The following FSTL5 variants were observed in gnomAD, a reference collection of about 807,000 sequenced individuals.
FSTL5 encodes follistatin like 5.
In FSTL5, 62 loss-of-function variants were observed where a neutral mutation model predicts 89.1. That is an observed-to-expected ratio of 0.70 (90% confidence interval 0.57 to 0.86). The LOEUF (loss-of-function observed/expected upper bound fraction) is 0.86. FSTL5 is among the 40% of genes least tolerant of loss of function. The probability of loss-of-function intolerance (pLI) is 0.00; values close to 1 mark genes in which losing one functional copy is unlikely to be tolerated. For missense variants in FSTL5, 1,057 were observed against 1,001.6 expected, an observed-to-expected ratio of 1.06 and a Z score of -0.75; for synonymous variants, 383 against 346.2, an observed-to-expected ratio of 1.11 and a Z score of -1.18.
chr4:161,683,740 TA>T (rs1737606028), intron 6 of FSTL5, among the ~76,000 whole-genome samples: 1 of 152,180 alleles, frequency 6.6e-6, no homozygotes, highest in Admixed American at 6.6e-5. Flanking sequence ...AGTAACTTTT[TA>T]AAATTAATTA....
At chr4:161,893,275 TG>T (rs962214956) in intron 4 of FSTL5, among the ~76,000 whole-genome samples, 3 of 152,126 alleles carry the variant, frequency 2.0e-5, no homozygotes, top group African/African-American at 7.2e-5. Context: ...GAAGCTCAAA[TG>T]GCTAAATAAC....
chr4:162,049,793 T>A (rs563034328), intron 2 of FSTL5, among the ~76,000 whole-genome samples: 1 of 151,918 alleles, frequency 6.6e-6, no homozygotes, highest in East Asian at 1.9e-4. Flanking sequence ...TCTGAAAAAA[T>A]TATAATTTTA....
intron 2 of FSTL5, among the ~76,000 whole-genome samples, chr4:162,057,698 C>T (rs988442224): frequency 2.0e-5 from 3 of 151,982 alleles, no homozygotes; most frequent in Non-Finnish European, 2.9e-5. Flanking sequence ...AATCCCAGAA[C>T]TTTGGGAGGC....
At chr4:161,606,716 T>G (rs62328843) in intron 7 of FSTL5, among the ~76,000 whole-genome samples, 27,005 of 152,004 alleles carry the variant, frequency 0.18, 2,797 homozygotes, top group Non-Finnish European at 0.21. Flanking sequence ...AAAATTGAAT[T>G]AAGAACCAAA....
At chr4:161,517,042 C>A (rs532679359) in intron 10 of FSTL5, among the ~76,000 whole-genome samples, 61 of 152,162 alleles carry the variant, frequency 4.0e-4, no homozygotes, top group Admixed American at 1.4e-3. Context: ...AAGTGTGCCA[C>A]CATACCTGGC....
At chr4:161,815,704 T>C (rs745316565) in intron 4 of FSTL5, among the ~76,000 whole-genome samples, 27 of 152,158 alleles carry the variant, frequency 1.8e-4, no homozygotes, top group Non-Finnish European at 3.4e-4. Flanking sequence ...GGAGTCATTT[T>C]ATAGTTTACA....
At chr4:161,643,859 A>C (rs1418091767) in intron 7 of FSTL5, among the ~76,000 whole-genome samples, 2 of 148,326 alleles carry the variant, frequency 1.3e-5, no homozygotes, top group East Asian at 4.0e-4. Flanking sequence ...ATTTTAAATA[A>C]GATAGTCCAG....
At chr4:161,455,740 C>T (rs902042903) in intron 14 of FSTL5, among the ~76,000 whole-genome samples, 18 of 152,120 alleles carry the variant, frequency 1.2e-4, no homozygotes, top group African/African-American at 4.3e-4. Flanking sequence ...TTCCCTAATT[C>T]CATTAGTTAC....
intron 15 of FSTL5, among the ~76,000 whole-genome samples, chr4:161,424,163 C>A (rs1466858132): frequency 6.6e-6 from 1 of 151,522 alleles, no homozygotes; most frequent in Non-Finnish European, 1.5e-5. Flanking sequence ...AGGCCTGAGC[C>A]ACCACGCCCA....
chr4:161,431,871 G>T (rs1441790872), intron 15 of FSTL5, among the ~76,000 whole-genome samples: 1 of 152,006 alleles, frequency 6.6e-6, no homozygotes, highest in Non-Finnish European at 1.5e-5. Flanking sequence ...AGGCAAAGAA[G>T]ATTATTATAT....
chr4:161,778,532 C>T (rs1741504969), intron 4 of FSTL5, among the ~76,000 whole-genome samples: 1 of 152,106 alleles, frequency 6.6e-6, no homozygotes, highest in African/African-American at 2.4e-5. Context: ...ACAATCTCTT[C>T]CAAAGAGATG....
At chr4:161,799,582 A>G (rs903150483) in intron 4 of FSTL5, among the ~76,000 whole-genome samples, 2 of 151,738 alleles carry the variant, frequency 1.3e-5, no homozygotes. Flanking sequence ...AAAGTACTAT[A>G]TGACTTGCTT....
At chr4:161,696,627 A>C (rs1041263172) in intron 6 of FSTL5, among the ~76,000 whole-genome samples, 3 of 152,132 alleles carry the variant, frequency 2.0e-5, no homozygotes, top group African/African-American at 7.2e-5. Context: ...GATTTCTCTC[A>C]GCAGTGTTTT....
At chr4:161,969,989 G>A (rs1049248778) in intron 3 of FSTL5, among the ~76,000 whole-genome samples, 1 of 152,062 alleles carries the variant, frequency 6.6e-6, no homozygotes, top group African/African-American at 2.4e-5. Flanking sequence ...AAAGAGGTTG[G>A]TGAGGACCAG....
intron 4 of FSTL5, among the ~76,000 whole-genome samples, chr4:161,879,990 G>A (rs1013284946): frequency 2.6e-5 from 4 of 152,114 alleles, no homozygotes; most frequent in Non-Finnish European, 4.4e-5. Context: ...CTACTTAAAG[G>A]TGAGTTGTTA....
At chr4:161,831,747 T>C (rs935278674) in intron 4 of FSTL5, among the ~76,000 whole-genome samples, 1 of 151,104 alleles carries the variant, frequency 6.6e-6, no homozygotes, top group Non-Finnish European at 1.5e-5. Flanking sequence ...AAATAACTTC[T>C]GTTGTATTTG....
rs1384779752 is a variant in FSTL5 at position 161,818,640 on chromosome 4, C to T, written c.410-42566G>A. On this transcript the variant is annotated intron_variant, in intron 4 of 15. Transcript: ENST00000306100. ...AGAAGTGAGCCACACCCCCATTGCA[C>T]GCACTGCGATGGGGACAAGGGAGCT... Among the ~76,000 whole-genome samples, 3 of 152,306 alleles carry T rather than the reference C, an allele frequency of 2.0e-5. No individual in the cohort carries two copies. In the East Asian group the frequency reaches 5.8e-4, roughly 29 times the overall value.
intron 6 of FSTL5, among the ~76,000 whole-genome samples, chr4:161,746,240 G>T (rs1380302294): frequency 6.6e-6 from 1 of 151,796 alleles, no homozygotes; most frequent in Non-Finnish European, 1.5e-5. Context: ...TACTAACTTT[G>T]AATTTATTTT....
chr4:161,578,983 T>C (rs1733334398), intron 8 of FSTL5, among the ~76,000 whole-genome samples: 1 of 152,138 alleles, frequency 6.6e-6, no homozygotes, highest in Non-Finnish European at 1.5e-5. Context: ...TTAAAGCATG[T>C]TTATTAGAGT....
Sources: allele counts gnomAD v4.1 joint callset (sites outside exome capture counted in the v4.1 genomes callset), GRCh38; gene constraint gnomAD v4.1.1; transcripts MANE v1.5; gene names NCBI Gene and HGNC (gene_info 2026-07-23, HGNC 2026-07-21).